PRKAR1B: variants seen among roughly 807,000 people sequenced by gnomAD.
PRKAR1B encodes protein kinase cAMP-dependent type I regulatory subunit beta, also known as cAMP-dependent protein kinase type I-beta regulatory subunit.
PRKAR1B carries 22 observed loss-of-function variants against 46.5 expected under a neutral mutation model. The ratio of observed to expected loss-of-function variants is 0.47; its 90% confidence interval spans 0.34 to 0.68. The LOEUF is 0.68. Ranked by LOEUF, PRKAR1B falls within the 30% of genes least tolerant of loss-of-function variation. PRKAR1B has a pLI of 0.01. For missense variants in PRKAR1B, 445 were observed against 535.6 expected (o/e 0.83, Z 1.67); for synonymous variants, 259 against 217.7 (o/e 1.19, Z -1.67).
At chr7:724,206 C>T (rs1781170999) in intron 1 of PRKAR1B, among the ~76,000 whole-genome samples, 1 of 152,204 alleles carries the variant, frequency 6.6e-6, no homozygotes, top group Admixed American at 6.5e-5. Context: ...CACTCCCCGT[C>T]TCCCACCTCC....
intron 7 of PRKAR1B, among the ~76,000 whole-genome samples, chr7:590,222 T>C (rs1780896379): frequency 6.6e-6 from 1 of 152,152 alleles, no homozygotes; most frequent in Admixed American, 6.5e-5. Context: ...GCAAAGGGTG[T>C]GAAACCATAA....
At chr7:705,606 A>G (rs1245474083) in intron 2 of PRKAR1B, among the ~76,000 whole-genome samples, 1 of 152,190 alleles carries the variant, frequency 6.6e-6, no homozygotes, top group Non-Finnish European at 1.5e-5. Context: ...TAGCAGCTTT[A>G]TTTGTAGTTG....
chr7:633,786 C>G lies in PRKAR1B; in HGVS notation c.441-26334G>C, dbSNP rs528111563. On this transcript the variant is annotated intron_variant, in intron 4 of 10. Coordinates refer to ENST00000537384, the MANE Select transcript of PRKAR1B (RefSeq NM_001164760.2). ...TGGAAAAAGTCGGGGAGGGGAGCAG[C>G]GAGGACACAGCTCCTGTTCACGGCC... Among the ~76,000 whole-genome samples the G allele has an allele frequency of 7.2e-5, 11 of 152,206 alleles. No individual in the cohort carries two copies. The East Asian group carries it at 1.4e-3, about 19-fold the overall frequency.
rs1391672631 is a variant in PRKAR1B at position 550,374 on chromosome 7, C to T, written c.*56G>A. On this transcript the variant is annotated 3_prime_UTR_variant, in exon 11 of 11. Transcript: ENST00000537384. ...GCGGCTCCCGGGCCCCCGACACAGA[C>T]GAGCAGGGCACGGCCACCACACTGG... 1.8e-5 allele frequency: 28 copies of T among 1,519,338 alleles called. No homozygotes were observed. The East Asian group carries it at 2.0e-4, about 11-fold the overall frequency. 94.1% of individuals were successfully genotyped at this position (1,519,338 alleles called of 1,614,324 possible). A position where few individuals can be genotyped will look rare whatever the true frequency, so the allele number is the denominator to read the frequency against.
intron 5 of PRKAR1B, 148 bp from the exon 6 acceptor site, chr7:606,387 A>T (rs748964466): frequency 6.7e-6 from 4 of 598,654 alleles, no homozygotes; most frequent in Middle Eastern, 2.6e-4. Context: ...TGACAAGATT[A>T]TACAAACATT....
Position 666,167 on chromosome 7 carries a change from C to A in PRKAR1B, c.440+11062G>T, listed in dbSNP as rs977291703. 6.6e-6 allele frequency among the ~76,000 whole-genome samples: 1 copy of A among 152,216 alleles called. No individual in the cohort carries two copies. Among genetic ancestry groups the A allele is most frequent in the Non-Finnish European group, 1.5e-5 (1 of 68,034 alleles). On this transcript the variant is annotated intron_variant, in intron 4 of 10. Transcript: ENST00000537384. This position sits in a 1 kb window ranked among gnomAD's most constrained non-coding sequence, Gnocchi z 4.9. ...TACAGGCGCCCTAATCAGGGAAAGC[C>A]GGGAAGGGACCGGGATAGAACCCAA...
At chr7:561,267 C>T (rs1051457416) in intron 9 of PRKAR1B, among the ~76,000 whole-genome samples, 5 of 151,884 alleles carry the variant, frequency 3.3e-5, no homozygotes, top group Non-Finnish European at 7.4e-5. Flanking sequence ...CAGGCACACA[C>T]GCCTGTGCAC....
chr7:679,349 A>G (rs1778526436), intron 3 of PRKAR1B, among the ~76,000 whole-genome samples: 2 of 152,144 alleles, frequency 1.3e-5, no homozygotes, highest in African/African-American at 4.8e-5. Flanking sequence ...GGTCTGCAAC[A>G]GTTCTTCACA....
chr7:700,157 C>T (rs1779983371), intron 2 of PRKAR1B, among the ~76,000 whole-genome samples: 1 of 152,134 alleles, frequency 6.6e-6, no homozygotes, highest in Non-Finnish European at 1.5e-5. Context: ...GCACAGAACA[C>T]AGAGAACCAC....
intron 4 of PRKAR1B, among the ~76,000 whole-genome samples, chr7:617,869 G>A (rs1281937427): frequency 1.3e-5 from 2 of 152,120 alleles, no homozygotes; most frequent in Non-Finnish European, 2.9e-5. Flanking sequence ...CTCTATCCGG[G>A]CAAAGGGCTG....
At chr7:570,089 C>A (rs1402495800) in intron 9 of PRKAR1B, among the ~76,000 whole-genome samples, 1 of 152,258 alleles carries the variant, frequency 6.6e-6, no homozygotes, top group African/African-American at 2.4e-5. Context: ...GAAGACTTGG[C>A]ACCCACCCAC....
At chr7:575,063 T>C (rs1442423976) in intron 9 of PRKAR1B, among the ~76,000 whole-genome samples, 1 of 152,276 alleles carries the variant, frequency 6.6e-6, no homozygotes, top group Non-Finnish European at 1.5e-5. Flanking sequence ...AAGCCATTCC[T>C]GAAGTCAGCG....
At chr7:635,901 A>C (rs531505586) in intron 4 of PRKAR1B, among the ~76,000 whole-genome samples, 1 of 152,086 alleles carries the variant, frequency 6.6e-6, no homozygotes, top group East Asian at 1.9e-4. Context: ...TACGGACAGC[A>C]GGTTCACGAA....
intron 4 of PRKAR1B, among the ~76,000 whole-genome samples, chr7:640,699 G>C (rs1385853008): frequency 6.6e-6 from 1 of 151,430 alleles, no homozygotes; most frequent in Non-Finnish European, 1.5e-5. Flanking sequence ...GAAGGTGGAG[G>C]TTGCAGTGAG....
At chr7:555,113 C>T (rs1475977236) in intron 9 of PRKAR1B, among the ~76,000 whole-genome samples, 1 of 152,018 alleles carries the variant, frequency 6.6e-6, no homozygotes, top group Non-Finnish European at 1.5e-5. Flanking sequence ...CCAGAAACTC[C>T]TGGAAACATC....
At chr7:708,643 C>T (rs1301925784) in intron 2 of PRKAR1B, among the ~76,000 whole-genome samples, 2 of 152,040 alleles carry the variant, frequency 1.3e-5, no homozygotes, top group African/African-American at 2.4e-5. Context: ...CATGCCACCA[C>T]GCCCAGTTAA....
rs1301198910 is a variant in PRKAR1B, at chr7:667,124, G to T, written c.440+10105C>A. ...TGATAACGATGATGATGGCAATGGTGGTGATGAGGATGGTGGTGGTGATGG... is the reference window on the plus strand; with the variant it reads ...TGATAACGATGATGATGGCAATGGTTGTGATGAGGATGGTGGTGGTGATGG... On this transcript the variant is annotated intron_variant, in intron 4 of 10. Coordinates refer to ENST00000537384, the MANE Select transcript of PRKAR1B (RefSeq NM_001164760.2). The surrounding 1 kb of genome is among the most constrained non-coding windows in gnomAD (Gnocchi z 4.3). Among the ~76,000 whole-genome samples, 1 of 148,194 alleles carries T rather than the reference G, an allele frequency of 6.7e-6. No individual in the cohort carries two copies. The highest frequency in any genetic ancestry group is 1.5e-5 in the Non-Finnish European group (1 of 67,282).
intron 4 of PRKAR1B, among the ~76,000 whole-genome samples, chr7:649,565 T>G (rs1784790391): frequency 6.6e-6 from 1 of 151,918 alleles, no homozygotes; most frequent in African/African-American, 2.4e-5. Context: ...AGCGCCTTAT[T>G]TATTTATTTA....
At chr7:638,302 C>A (rs934441134) in intron 4 of PRKAR1B, among the ~76,000 whole-genome samples, 3 of 152,220 alleles carry the variant, frequency 2.0e-5, no homozygotes, top group Admixed American at 6.5e-5. Flanking sequence ...AAACAGGTCC[C>A]GGAGGCATCC....
Sources: gnomAD v4.1 joint callset for allele counts (sites outside exome capture counted in the v4.1 genomes callset) on GRCh38, gnomAD v4.1.1 for gene constraint, Gnocchi (gnomAD v3.1) non-coding constraint, MANE v1.5 for transcripts, NCBI Gene and HGNC (gene_info 2026-07-23, HGNC 2026-07-21) for gene names.